Variants in SPOCD1 observed in about 807,000 individuals in gnomAD.
The protein encoded by SPOCD1 is SPOC domain containing 1.
SPOCD1 carries 64 observed loss-of-function variants against 92.2 expected under a neutral mutation model. That is an observed-to-expected ratio of 0.69 (90% confidence interval 0.57 to 0.86). SPOCD1 has a LOEUF of 0.86. Ranked by LOEUF, SPOCD1 falls within the 40% of genes least tolerant of loss-of-function variation. The pLI, the probability that SPOCD1 is intolerant of heterozygous loss-of-function variation, is 0.00. For missense variants in SPOCD1, 1,360 were observed against 1,543.1 expected (o/e 0.88, Z 1.99); for synonymous variants, 578 against 619.3 (o/e 0.93, Z 0.99).
At chr1:31,795,685 A>T (rs1647958162) in intron 10 of SPOCD1, 1 of 152,174 alleles carries the variant, frequency 6.6e-6, no homozygotes, top group African/African-American at 2.4e-5. Context: ...TGGCCTGAAT[A>T]TTAGTGGTAG....
Position 31,800,058 on chromosome 1 carries a change from G to C in SPOCD1, c.1686C>G (p.Ser562=), listed in dbSNP as rs546221863. The part of the protein sequence containing the change: ...SDPFYPPRSG[S]LALGDPSSDP... ...CCGAGCTGGGGTCGCCAAGGGCCAG[G>C]GAACCGCTTCTTGGAGGGTAGAAGG... The change falls in exon 5 of 16, where the codon TCC becomes TCG. Residue 562 remains serine, a synonymous_variant. Coordinates refer to ENST00000360482, the MANE Select transcript of SPOCD1 (RefSeq NM_144569.7). 25 of 1,610,532 alleles carry C rather than the reference G, an allele frequency of 1.6e-5. No homozygotes were observed. Among genetic ancestry groups the C allele is most frequent in the Non-Finnish European group, 2.0e-5 (24 of 1,178,858 alleles).
rs753220172 is a variant in SPOCD1 at position 31,799,466 on chromosome 1, C to T, written c.1803G>A (p.Lys601=). 1 of 1,611,772 alleles carries T rather than the reference C, an allele frequency of 6.2e-7. No individual in the cohort carries two copies. The highest frequency in any genetic ancestry group is 8.5e-7 in the Non-Finnish European group (1 of 1,179,174). The part of the protein sequence containing the change: ...PEDSAQLQQE[K]PSLYIGVRGT... ...CCCGCACCCCAATATACAGGGATGG[C>T]TTCTCCTGTTGGAGCTGAGCTGTAG... The change falls in exon 7 of 16, where the codon AAG becomes AAA. Residue 601 remains lysine (K), a synonymous_variant. Transcript: ENST00000360482.
In SPOCD1 at chr1:31,796,614, C is replaced by T; in HGVS notation, c.2247G>A (p.Gln749=). ...CCACCAGATCCTCCAGGGTCAGTGTCTGGTCCATGTCCCGCTGAATCTCCA... is the reference window on the plus strand; with the variant it reads ...CCACCAGATCCTCCAGGGTCAGTGTTTGGTCCATGTCCCGCTGAATCTCCA... ...GEVEIQRDMD[Q]TLTLEDLVGP... The change falls in exon 10 of 16, where the codon CAG becomes CAA. Residue 749 remains glutamine, a synonymous_variant. Transcript: ENST00000360482. 1 of 1,614,272 alleles carries T rather than the reference C, an allele frequency of 6.2e-7. No individual in the cohort carries two copies. The highest frequency in any genetic ancestry group is 8.5e-7 in the Non-Finnish European group (1 of 1,180,054).
At chr1:31,796,534 G>C in intron 10 of SPOCD1, 56 bp downstream of exon 10, 1 of 1,614,010 alleles carries the variant, frequency 6.2e-7, no homozygotes, top group Non-Finnish European at 8.5e-7. Context: ...GTGAGGCGAG[G>C]CGTGGGACCC....
rs78221270 is a variant in SPOCD1, at chr1:31,814,589, G to C, written c.745C>G (p.Leu249Val). The change falls in exon 2 of 16, where the codon CTG (leucine) becomes GTG (valine). Residue 249 changes from leucine to valine, a missense_variant. Leu to Val is a conservative substitution (Grantham distance 32, BLOSUM62 1). Coordinates refer to ENST00000360482, the MANE Select transcript of SPOCD1 (RefSeq NM_144569.7). This position sits in a 1 kb window ranked among gnomAD's most constrained non-coding sequence, Gnocchi z 4.2. ...SVGDPPQVAD[L>V]ESLGGPCRPP... is the part of the protein sequence containing the mutation. ...CTGCAAGGGCCTCCCAAGGACTCCA[G>C]GTCAGCAACTTGGGGAGGGTCTCCC... 3.3e-4 allele frequency: 501 copies of C among 1,530,062 alleles called. 1 individual carries two copies. The African/African-American group carries it at 6.6e-3, about 20-fold the overall frequency. The allele number at this position is 1,530,062 out of a possible 1,614,324, so 94.8% of individuals were successfully genotyped here.
At position 31,798,331 on chromosome 1, in the gene SPOCD1, G is replaced by A. The variant is rs189437304; in HGVS notation, c.2029-8C>T. 364 of 1,609,160 alleles carry A rather than the reference G, an allele frequency of 2.3e-4. No homozygotes were observed. The highest frequency in any genetic ancestry group is 2.9e-4 in the Non-Finnish European group (341 of 1,176,810). On this transcript the variant is annotated splice_polypyrimidine_tract_variant and splice_region_variant and intron_variant, in intron 8 of 15. Transcript: ENST00000360482. The surrounding 1 kb of genome is among the most constrained non-coding windows in gnomAD (Gnocchi z 4.1). ...CACTTTGAGAAACAAGTCCTGGTGGGGGCAGGGGGCAGGGCTGCACCACAC... is the reference window on the plus strand; with the variant it reads ...CACTTTGAGAAACAAGTCCTGGTGGAGGCAGGGGGCAGGGCTGCACCACAC...
At chr1:31,807,765 A>C (rs1009897394) in intron 2 of SPOCD1, among the ~76,000 whole-genome samples, 3 of 152,114 alleles carry the variant, frequency 2.0e-5, no homozygotes, top group African/African-American at 7.2e-5. Context: ...AGATTGATTA[A>C]GGAAAAGAGA....
Position 31,800,480 on chromosome 1 carries a change from C to T in SPOCD1, c.1563G>A (p.Arg521=), listed in dbSNP as rs775268018. ...GGCCCTGCACCATGGGCCTTTTCTTCCTTCTGAGCCTCTGGGCAGGTGAGG... is the reference window on the plus strand; with the variant it reads ...GGCCCTGCACCATGGGCCTTTTCTTTCTTCTGAGCCTCTGGGCAGGTGAGG... ...SSPSPAQRLR[R]KKRPMVQGPA... The change falls in exon 4 of 16, where the codon AGG becomes AGA. Residue 521 remains arginine, a synonymous_variant. Transcript: ENST00000360482. 6.2e-7 allele frequency: 1 copy of T among 1,610,516 alleles called. No homozygotes were observed. Among genetic ancestry groups the T allele is most frequent in the African/African-American group, 1.3e-5 (1 of 74,864 alleles).
chr1:31,811,907 C>T (rs1649225629), intron 2 of SPOCD1, among the ~76,000 whole-genome samples: 1 of 152,208 alleles, frequency 6.6e-6, no homozygotes, highest in African/African-American at 2.4e-5. Context: ...CTGGCTCCAC[C>T]ACCGCACTCA....
intron 6 of SPOCD1, 88 bp from the exon 7 acceptor site, chr1:31,799,573 G>A (rs1210049895): frequency 5.5e-6 from 7 of 1,268,574 alleles, no homozygotes; most frequent in Non-Finnish European, 6.7e-6. Flanking sequence ...TAGGCAGACA[G>A]GAGAGGGGTC....
At chr1:31,792,517 G>A in intron 14 of SPOCD1, 116 bp from the exon 15 acceptor site, 2 of 1,280,032 alleles carry the variant, frequency 1.6e-6, no homozygotes, top group Non-Finnish European at 2.2e-6. Context: ...CCATCTTCCA[G>A]AGGAGGAAAC....
intron 2 of SPOCD1, among the ~76,000 whole-genome samples, chr1:31,805,631 G>C (rs926372595): frequency 6.6e-6 from 1 of 151,902 alleles, no homozygotes; most frequent in African/African-American, 2.4e-5. Flanking sequence ...GGGAGGCTGA[G>C]GTGGGAGAAT....
In SPOCD1 at chr1:31,792,817, AG is replaced by A. The variant is rs889544739; in HGVS notation, c.2686-51del. The A allele has an allele frequency of 5.0e-6, 7 of 1,396,982 alleles. No individual in the cohort carries two copies. In the Admixed American group the frequency reaches 5.8e-5, roughly 12 times the overall value. The allele number at this position is 1,396,982 out of a possible 1,614,324, so 86.5% of individuals were successfully genotyped here. A position where few individuals can be genotyped will look rare whatever the true frequency, so the allele number is the denominator to read the frequency against. ...CAGCTCCCCAGCTTCCCACCCACTC[AG>A]GGTGGACGCATTCCCAGCCACCTGG... On this transcript the variant is annotated intron_variant, in intron 13 of 15. Coordinates refer to ENST00000360482, the MANE Select transcript of SPOCD1 (RefSeq NM_144569.7).
Position 31,790,953 on chromosome 1 carries a change from C to G in SPOCD1, c.3301G>C (p.Glu1101Gln), listed in dbSNP as rs1350060517. ...RGRGRLWPEP[E>Q]NWQHPGRGQW... ...CCTCGCCCAGGATGCTGCCAGTTTT[C>G]AGGCTCTGGCCAGAGCCTCCCCCTG... The change falls in exon 16 of 16, where the codon GAA becomes CAA. Residue 1101 changes from glutamate (E) to glutamine (Q), a missense_variant. Coordinates refer to ENST00000360482, the MANE Select transcript of SPOCD1 (RefSeq NM_144569.7). 8 of 1,567,658 alleles carry G rather than the reference C, an allele frequency of 5.1e-6. No homozygotes were observed. The Admixed American group carries it at 5.7e-5, about 11-fold the overall frequency.
chr1:31,815,656 C>A, intron 1 of SPOCD1: 1 of 256,934 alleles, frequency 3.9e-6, no homozygotes, highest in Admixed American at 5.4e-5. Context: ...AATAAGATAC[C>A]ATTTATTTAT....
chr1:31,811,336 TG>T (rs1649183499), intron 2 of SPOCD1, among the ~76,000 whole-genome samples: 1 of 152,036 alleles, frequency 6.6e-6, no homozygotes, highest in South Asian at 2.1e-4. Context: ...CCGGGCATGG[TG>T]GCCCACACCT....
At position 31,793,820 on chromosome 1, in the gene SPOCD1, G is replaced by T. The variant is rs1296138132; in HGVS notation, c.2461C>A (p.Leu821Ile). ...GGAGCAGGCATAGGAGTTTGGCTTAGGGCTTTCTGGAAGATATTGTCCCCG... is the reference window on the plus strand; with the variant it reads ...GGAGCAGGCATAGGAGTTTGGCTTATGGCTTTCTGGAAGATATTGTCCCCG... ...SCGDNIFQKA[L>I]SQTPMPAPEM... Residue 821 changes from leucine to isoleucine, a missense_variant, in exon 12 of 16, where the codon CTA (leucine) becomes ATA (isoleucine). By Grantham distance (5) the Leu-to-Ile change is conservative. Around this residue, in one of 3 missense-constraint regions of SPOCD1, gnomAD observed 614 missense variants for 757.8 expected, o/e 0.81. Coordinates refer to ENST00000360482, the MANE Select transcript of SPOCD1 (RefSeq NM_144569.7). The T allele has an allele frequency of 6.2e-7, 1 of 1,614,228 alleles. No individual in the cohort carries two copies. Among genetic ancestry groups the T allele is most frequent in the South Asian group, 1.1e-5 (1 of 91,086 alleles).
At chr1:31,806,614 C>T (rs1318744210) in intron 2 of SPOCD1, among the ~76,000 whole-genome samples, 4 of 150,944 alleles carry the variant, frequency 2.6e-5, no homozygotes, top group Non-Finnish European at 4.4e-5. Context: ...GGTGCGATCT[C>T]GGCTCACTGC....
rs763279295 is a variant in SPOCD1 at position 31,793,470 on chromosome 1, A to G, written c.2535-42T>C. The G allele has an allele frequency of 3.8e-6, 6 of 1,558,780 alleles. No homozygotes were observed. In the African/African-American group the frequency reaches 4.1e-5, roughly 11 times the overall value. ...AAGACAGGGCCAGACAGAGCAGGCCATGAGGACTTCCCCGGCACCTCCTTT... is the reference window on the plus strand; with the variant it reads ...AAGACAGGGCCAGACAGAGCAGGCCGTGAGGACTTCCCCGGCACCTCCTTT... On this transcript the variant is annotated intron_variant, in intron 12 of 15. Coordinates refer to ENST00000360482, the MANE Select transcript of SPOCD1 (RefSeq NM_144569.7).
Sources: allele counts gnomAD v4.1 joint callset (sites outside exome capture counted in the v4.1 genomes callset), GRCh38; gene constraint gnomAD v4.1.1; regional missense constraint gnomAD v4.1.1; non-coding constraint Gnocchi (gnomAD v3.1); transcripts MANE v1.5; gene names NCBI Gene and HGNC (gene_info 2026-07-23, HGNC 2026-07-21).